CNTNAP2: variants seen among roughly 807,000 people sequenced by gnomAD.
CNTNAP2 encodes contactin-associated protein-like 2.
CNTNAP2 carries 98 observed loss-of-function variants against 155.2 expected under a neutral mutation model. The observed-to-expected ratio is 0.63, with a 90% CI of 0.54 to 0.75. The LOEUF (loss-of-function observed/expected upper bound fraction) is 0.75, where lower values mean the gene tolerates loss of function less well. Ranked by LOEUF, CNTNAP2 falls within the 30% of genes least tolerant of loss-of-function variation. The pLI, the probability that CNTNAP2 is intolerant of heterozygous loss-of-function variation, is 0.00. For missense variants in CNTNAP2, 1,727 were observed against 1,688.1 expected, an observed-to-expected ratio of 1.02 and a Z score of -0.40; for synonymous variants, 651 against 631.2, an observed-to-expected ratio of 1.03 and a Z score of -0.47.
At chr7:146,776,888 T>C (rs1032461521) in intron 2 of CNTNAP2, among the ~76,000 whole-genome samples, 1 of 152,190 alleles carries the variant, frequency 6.6e-6, no homozygotes, top group African/African-American at 2.4e-5. Flanking sequence ...GTTAATATAT[T>C]TCTTAACTTG....
intron 11 of CNTNAP2, among the ~76,000 whole-genome samples, chr7:147,494,459 G>T: frequency 1.0e-5 from 1 of 99,238 alleles, no homozygotes; most frequent in Non-Finnish European, 2.0e-5. Flanking sequence ...CTTTCTCTTT[G>T]AGTCTTGGCA....
chr7:147,728,767 A>G (rs1182466210), intron 13 of CNTNAP2, among the ~76,000 whole-genome samples: 1 of 151,912 alleles, frequency 6.6e-6, no homozygotes, highest in Non-Finnish European at 1.5e-5. Flanking sequence ...CTTTCAGGAA[A>G]CAAAGTGATT....
At chr7:148,137,729 G>C (rs575075109) in intron 16 of CNTNAP2, among the ~76,000 whole-genome samples, 6 of 139,604 alleles carry the variant, frequency 4.3e-5, no homozygotes, top group African/African-American at 1.6e-4. Flanking sequence ...AGGAAGGAAG[G>C]AAGGAAGGTT....
intron 3 of CNTNAP2, among the ~76,000 whole-genome samples, chr7:146,984,886 C>G (rs1334584479): frequency 6.6e-6 from 1 of 152,154 alleles, no homozygotes; most frequent in East Asian, 1.9e-4. Context: ...GAAATTCAAG[C>G]ACAGTTCTTT....
rs191445181 is a variant in CNTNAP2, at chr7:148,215,190, G to A, written c.3011-2098G>A. Among the ~76,000 whole-genome samples, 189 of 152,286 alleles carry A rather than the reference G, an allele frequency of 1.2e-3. 2 individuals are homozygous for A. Among genetic ancestry groups the A allele is most frequent in the African/African-American group, 4.3e-3 (180 of 41,562 alleles). ...TATAAGATATTTATCTGGAAATAAAGCATTGCAATGGGAATATGCATGCCA... is the reference window on the plus strand; with the variant it reads ...TATAAGATATTTATCTGGAAATAAAACATTGCAATGGGAATATGCATGCCA... On this transcript the variant is annotated intron_variant, in intron 18 of 23. Transcript: ENST00000361727.
At chr7:147,614,178 A>G (rs1301237629) in intron 12 of CNTNAP2, among the ~76,000 whole-genome samples, 1 of 152,182 alleles carries the variant, frequency 6.6e-6, no homozygotes, top group Admixed American at 6.5e-5. Context: ...TTCTTCAACA[A>G]TGTCTTGGCT....
rs144789965 is a variant in CNTNAP2 at position 147,970,159 on chromosome 7, C to T, written c.2256-7703C>T. Among the ~76,000 whole-genome samples, 724 of 151,988 alleles carry T rather than the reference C, an allele frequency of 4.8e-3. 8 individuals carry two copies. Among genetic ancestry groups the T allele is most frequent in the African/African-American group, 0.017 (707 of 41,460 alleles). On this transcript the variant is annotated intron_variant, in intron 14 of 23. Coordinates refer to ENST00000361727, the MANE Select transcript of CNTNAP2 (RefSeq NM_014141.6). Reference sequence around the variant, plus strand: ...TGCCCAAGATAGTCTTGAATTCCCACCTCAGCCTCCCAAAGTGCTGGGATT... The same window carrying T: ...TGCCCAAGATAGTCTTGAATTCCCATCTCAGCCTCCCAAAGTGCTGGGATT...
chr7:146,585,950 A>C (rs1205463283), intron 1 of CNTNAP2, among the ~76,000 whole-genome samples: 1 of 152,028 alleles, frequency 6.6e-6, no homozygotes, highest in Non-Finnish European at 1.5e-5. Context: ...GGTTGCAGTG[A>C]ACCATGATGA....
At position 146,116,844 on chromosome 7, in the gene CNTNAP2, G is replaced by C. The variant is rs1797489981; in HGVS notation, c.-33G>C. ...GAGTCGGACTGCATCTCCGCAGCGA[G>C]CTCTTGGAGCGCCGCCGGCCGGGAG... On this transcript the variant is annotated 5_prime_UTR_variant, in exon 1 of 24. Transcript: ENST00000361727. The surrounding 1 kb of genome is among the most constrained non-coding windows in gnomAD (Gnocchi z 5.5). 6.6e-7 allele frequency: 1 copy of C among 1,519,992 alleles called. No homozygotes were observed. The highest frequency in any genetic ancestry group is 8.9e-7 in the Non-Finnish European group (1 of 1,125,780). The allele number at this position is 1,519,992 out of a possible 1,614,324, so 94.2% of individuals were successfully genotyped here.
At chr7:147,840,050 T>C (rs558329783) in intron 13 of CNTNAP2, among the ~76,000 whole-genome samples, 3 of 152,128 alleles carry the variant, frequency 2.0e-5, no homozygotes, top group South Asian at 4.1e-4. Flanking sequence ...TTATGTTAAA[T>C]GAAATAACTC....
At chr7:147,834,464 A>G (rs537179957) in intron 13 of CNTNAP2, among the ~76,000 whole-genome samples, 1 of 152,342 alleles carries the variant, frequency 6.6e-6, no homozygotes, top group South Asian at 2.1e-4. Context: ...ATACCCTCGT[A>G]ATTCTACTAG....
At chr7:147,372,734 A>T (rs540000346) in intron 9 of CNTNAP2, among the ~76,000 whole-genome samples, 67 of 151,504 alleles carry the variant, frequency 4.4e-4, no homozygotes, top group Middle Eastern at 3.4e-3. Context: ...ATACTTTTTT[A>T]AAAAAAAATG....
intron 1 of CNTNAP2, among the ~76,000 whole-genome samples, chr7:146,501,023 A>G (rs1363331727): frequency 6.6e-6 from 1 of 151,984 alleles, no homozygotes; most frequent in African/African-American, 2.4e-5. Context: ...TACTATATTC[A>G]TTGATTTTCA....
At chr7:146,725,074 G>A (rs1218296458) in intron 1 of CNTNAP2, among the ~76,000 whole-genome samples, 4 of 152,090 alleles carry the variant, frequency 2.6e-5, no homozygotes, top group South Asian at 4.1e-4. Flanking sequence ...GGCGGTTGCT[G>A]TTAGTCCTTC....
intron 16 of CNTNAP2, among the ~76,000 whole-genome samples, chr7:148,141,310 A>ATCATATTT (rs1805067868): frequency 6.6e-6 from 1 of 152,266 alleles, no homozygotes; most frequent in Non-Finnish European, 1.5e-5. Context: ...GTCCTCAAAC[A>ATCATATTT]TCATATGTTT....
At chr7:146,151,700 A>ATATG (rs1798053707) in intron 1 of CNTNAP2, among the ~76,000 whole-genome samples, 3 of 57,562 alleles carry the variant, frequency 5.2e-5, no homozygotes, top group Non-Finnish European at 1.0e-4. Context: ...ATATATATGT[A>ATATG]TATATATATA....
chr7:146,687,001 G>A lies in CNTNAP2; in HGVS notation c.98-87270G>A, dbSNP rs6979220. Among the ~76,000 whole-genome samples, 1,286 of 152,132 alleles carry A rather than the reference G, an allele frequency of 8.5e-3. 23 individuals carry two copies. Among genetic ancestry groups the A allele is most frequent in the African/African-American group, 0.029 (1,184 of 41,500 alleles). ...ATCAATTATTCTGCCAATAAGGTGC[G>A]TTAGTTTATATGCCTAACTAGCATT... On this transcript the variant is annotated intron_variant, in intron 1 of 23. Coordinates refer to ENST00000361727, the MANE Select transcript of CNTNAP2 (RefSeq NM_014141.6).
At chr7:146,388,193 C>T (rs569637338) in intron 1 of CNTNAP2, among the ~76,000 whole-genome samples, 30 of 151,130 alleles carry the variant, frequency 2.0e-4, no homozygotes, top group African/African-American at 6.6e-4. Flanking sequence ...CACTTTGAGA[C>T]GCTGAGGCAG....
At chr7:147,858,627 T>C (rs1426851547) in intron 13 of CNTNAP2, among the ~76,000 whole-genome samples, 1 of 152,188 alleles carries the variant, frequency 6.6e-6, no homozygotes, top group Non-Finnish European at 1.5e-5. Context: ...CAAGTTCGGA[T>C]GAGGTCATAC....
Sources: allele counts gnomAD v4.1 joint callset (sites outside exome capture counted in the v4.1 genomes callset), GRCh38; gene constraint gnomAD v4.1.1; non-coding constraint Gnocchi (gnomAD v3.1); transcripts MANE v1.5; gene names NCBI Gene and HGNC (gene_info 2026-07-23, HGNC 2026-07-21).